Variants in DYNC1I1 observed in about 807,000 individuals in gnomAD.
DYNC1I1 encodes the protein dynein cytoplasmic 1 intermediate chain 1, also known as cytoplasmic dynein 1 intermediate chain 1.
DYNC1I1 carries 43 observed loss-of-function variants against 86.6 expected under a neutral mutation model. The ratio of observed to expected loss-of-function variants is 0.50; its 90% CI spans 0.39 to 0.64. The LOEUF (loss-of-function observed/expected upper bound fraction) is 0.64, where lower values mean the gene tolerates loss of function less well. DYNC1I1 is among the 30% of genes least tolerant of loss of function. The pLI is 0.00. For synonymous variants in DYNC1I1, 262 were observed against 283.7 expected (o/e 0.92, Z 0.77); for missense variants, 604 against 788.8 (o/e 0.77, Z 2.81).
chr7:95,787,966 T>C (rs536543093), intron 1 of DYNC1I1, among the ~76,000 whole-genome samples: 1 of 152,222 alleles, frequency 6.6e-6, no homozygotes, highest in African/African-American at 2.4e-5. Context: ...GCAAAGACCC[T>C]GAGGTGGGTG....
chr7:96,011,081 A>G (rs1468080772), intron 10 of DYNC1I1, among the ~76,000 whole-genome samples: 2 of 152,154 alleles, frequency 1.3e-5, no homozygotes, highest in Non-Finnish European at 1.5e-5. Flanking sequence ...CCTTTCTACC[A>G]ATTTCTTCAA....
intron 6 of DYNC1I1, among the ~76,000 whole-genome samples, chr7:95,886,373 G>C (rs1034506750): frequency 6.6e-6 from 1 of 152,114 alleles, no homozygotes; most frequent in Non-Finnish European, 1.5e-5. Flanking sequence ...GGCGGAGGTT[G>C]CAGTGAGCCG....
intron 6 of DYNC1I1, among the ~76,000 whole-genome samples, chr7:95,877,700 A>G (rs1008028048): frequency 6.6e-6 from 1 of 152,272 alleles, no homozygotes; most frequent in Non-Finnish European, 1.5e-5. Context: ...AGACAGAACC[A>G]GGAAAACAGA....
chr7:95,967,668 A>G (rs1261615413), intron 6 of DYNC1I1, among the ~76,000 whole-genome samples: 2 of 152,128 alleles, frequency 1.3e-5, no homozygotes, highest in African/African-American at 4.8e-5. Flanking sequence ...TTTATTCTCC[A>G]TCTTGCTGCT....
chr7:96,088,998 C>G (rs543847937), intron 16 of DYNC1I1, among the ~76,000 whole-genome samples: 9 of 152,178 alleles, frequency 5.9e-5, no homozygotes, highest in African/African-American at 2.2e-4. Flanking sequence ...TTTCTAAGCT[C>G]TTTCTCCTAA....
chr7:96,063,876 C>T (rs1010808482), intron 14 of DYNC1I1, among the ~76,000 whole-genome samples: 15 of 152,254 alleles, frequency 9.9e-5, no homozygotes, highest in Admixed American at 2.0e-4. Context: ...CTTTCACTAC[C>T]GCCACCTCCT....
rs77028338 is a variant in DYNC1I1 at position 96,046,615 on chromosome 7, A to T, written c.1509+7194A>T. On this transcript the variant is annotated intron_variant, in intron 14 of 16. Transcript: ENST00000447467. ...TGTTCTTTTCCACACCATCGTGTTA[A>T]GCCTGGAGACAAGAAGCCCAGTTGT... 9.2e-5 allele frequency among the ~76,000 whole-genome samples: 14 copies of T among 152,316 alleles called. No individual in the cohort carries two copies. The East Asian group carries it at 1.5e-3, about 17-fold the overall frequency.
chr7:95,797,212 A>G (rs1794460399), intron 1 of DYNC1I1, among the ~76,000 whole-genome samples: 1 of 152,088 alleles, frequency 6.6e-6, no homozygotes, highest in African/African-American at 2.4e-5. Context: ...GAGCTAAACT[A>G]GCGGCCTTAA....
chr7:96,018,273 T>G (rs182503826), intron 10 of DYNC1I1, among the ~76,000 whole-genome samples: 2 of 152,354 alleles, frequency 1.3e-5, no homozygotes, highest in Admixed American at 1.3e-4. Context: ...AAAAGGCACC[T>G]GCATTCAACC....
At chr7:95,830,576 C>T (rs962042100) in intron 5 of DYNC1I1, among the ~76,000 whole-genome samples, 1 of 152,084 alleles carries the variant, frequency 6.6e-6, no homozygotes, top group African/African-American at 2.4e-5. Context: ...TATGGATATA[C>T]CACAGTTTGT....
chr7:95,946,037 C>T (rs1792389664), intron 6 of DYNC1I1, among the ~76,000 whole-genome samples: 1 of 151,976 alleles, frequency 6.6e-6, no homozygotes, highest in African/African-American at 2.4e-5. Context: ...TTATCCTCAC[C>T]AAACTAACAC....
intron 10 of DYNC1I1, among the ~76,000 whole-genome samples, chr7:96,011,632 A>G (rs752501936): frequency 4.6e-5 from 7 of 152,200 alleles, no homozygotes; most frequent in African/African-American, 7.2e-5. Flanking sequence ...GAATTTTGTC[A>G]TTGATATGGT....
intron 1 of DYNC1I1, among the ~76,000 whole-genome samples, chr7:95,778,871 CCCAGGCTGGTCTTGAACTTGTGGCTT>C (rs2115633098): frequency 1.3e-5 from 2 of 152,088 alleles, no homozygotes; most frequent in South Asian, 4.2e-4. Context: ...TGCTGTGTTG[CCCAGGCTGGTCTTGAACTTGTGGCTT>C]CCAGCAGTCC....
At chr7:96,020,021 A>C (rs887677045) in intron 10 of DYNC1I1, among the ~76,000 whole-genome samples, 9 of 151,698 alleles carry the variant, frequency 5.9e-5, no homozygotes, top group South Asian at 2.1e-4. Context: ...AAGAACTGTC[A>C]TGCTCCTATT....
intron 14 of DYNC1I1, among the ~76,000 whole-genome samples, chr7:96,065,533 A>G (rs3819443): frequency 0.16 from 24,732 of 151,762 alleles, 2,181 homozygotes; most frequent in South Asian, 0.28. Flanking sequence ...ATTCATCACC[A>G]TGCCTGGCTA....
At chr7:95,828,210 T>A (rs1795245131) in intron 5 of DYNC1I1, 94 bp downstream of exon 5, 1 of 1,364,998 alleles carries the variant, frequency 7.3e-7, no homozygotes, top group East Asian at 2.3e-5. Flanking sequence ...GTTCTCCCCT[T>A]TTGTTGAACT....
intron 9 of DYNC1I1, among the ~76,000 whole-genome samples, chr7:95,988,645 A>G (rs1793656249): frequency 6.6e-6 from 1 of 152,362 alleles, no homozygotes; most frequent in South Asian, 2.1e-4. Flanking sequence ...CCTTCCTGCA[A>G]TAACACTGAC....
intron 6 of DYNC1I1, among the ~76,000 whole-genome samples, chr7:95,926,489 C>CA (rs1260283572): frequency 2.6e-5 from 4 of 151,974 alleles, no homozygotes; most frequent in Non-Finnish European, 5.9e-5. Flanking sequence ...GAAATGGTTA[C>CA]AAAAAATGAT....
chr7:95,804,486 G>T (rs529350411), intron 1 of DYNC1I1: 1 of 873,652 alleles, frequency 1.1e-6, no homozygotes, highest in Non-Finnish European at 1.6e-6. Flanking sequence ...TAATAACCTT[G>T]TATTTCTTCA....
Sources: gnomAD v4.1 joint callset for allele counts (sites outside exome capture counted in the v4.1 genomes callset) on GRCh38, gnomAD v4.1.1 for gene constraint, MANE v1.5 for transcripts, NCBI Gene and HGNC (gene_info 2026-07-23, HGNC 2026-07-21) for gene names.